Variants in MSH3 observed in about 807,000 individuals in gnomAD.
MSH3 encodes the protein mutS homolog 3.
Under a neutral mutation model 123.3 loss-of-function variants are expected in MSH3, and 106 were observed. The observed-to-expected ratio is 0.86, with a 90% CI of 0.73 to 1.01. MSH3 has a LOEUF of 1.01. Ranked by LOEUF, MSH3 falls within the 50% of genes least tolerant of loss-of-function variation. The pLI is 0.00. For synonymous variants in MSH3, 515 were observed against 481.4 expected, an observed-to-expected ratio of 1.07 and a Z score of -0.91; for missense variants, 1,459 against 1,347.6, an observed-to-expected ratio of 1.08 and a Z score of -1.29.
intron 20 of MSH3, among the ~76,000 whole-genome samples, chr5:80,822,980 A>G (rs781680192): frequency 4.6e-5 from 7 of 152,200 alleles, no homozygotes; most frequent in Admixed American, 2.0e-4. Flanking sequence ...ATTCCATCAA[A>G]CATACTAGTT....
chr5:80,670,293 T>C lies in MSH3; in HGVS notation c.776T>C (p.Phe259Ser), dbSNP rs1580550400. 1 of 1,614,118 alleles carries C rather than the reference T, an allele frequency of 6.2e-7. No homozygotes were observed. Reference sequence around the variant, plus strand: ...GAATGTGGATATAAGTATAGATTCTTTGGGGAAGATGCAGAGGTAAGTCGT... The same window carrying C: ...GAATGTGGATATAAGTATAGATTCTCTGGGGAAGATGCAGAGGTAAGTCGT... ...CVECGYKYRFFGEDAEIAARE... is the reference protein window; with the variant it reads ...CVECGYKYRFSGEDAEIAARE... Residue 259 changes from phenylalanine to serine, a missense_variant, in exon 4 of 24, where the codon TTT (phenylalanine) becomes TCT (serine). Coordinates refer to ENST00000265081, the MANE Select transcript of MSH3 (RefSeq NM_002439.5).
intron 13 of MSH3, among the ~76,000 whole-genome samples, chr5:80,762,270 T>A (rs1744048110): frequency 6.6e-6 from 1 of 152,076 alleles, no homozygotes; most frequent in African/African-American, 2.4e-5. Flanking sequence ...TTAATATTTT[T>A]AAATGATAAA....
chr5:80,743,298 C>T (rs982756462), intron 11 of MSH3, among the ~76,000 whole-genome samples: 1 of 152,140 alleles, frequency 6.6e-6, no homozygotes, highest in Non-Finnish European at 1.5e-5. Context: ...CTTAGCCTGT[C>T]CAGCCATCCT....
At chr5:80,840,629 G>T (rs374885017) in intron 20 of MSH3, among the ~76,000 whole-genome samples, 2 of 152,130 alleles carry the variant, frequency 1.3e-5, no homozygotes, top group African/African-American at 4.8e-5. Flanking sequence ...AAGTTCTAGG[G>T]TACATGTGCA....
chr5:80,846,926 T>C (rs1047337793), intron 20 of MSH3, among the ~76,000 whole-genome samples: 7 of 152,062 alleles, frequency 4.6e-5, no homozygotes, highest in African/African-American at 7.2e-5. Context: ...CTGCACCCAC[T>C]GTCCAACCAG....
At chr5:80,813,506 T>C (rs1214571893) in intron 19 of MSH3, 78 bp from the exon 20 acceptor site, 5 of 1,448,814 alleles carry the variant, frequency 3.5e-6, no homozygotes, top group Non-Finnish European at 4.8e-6. Flanking sequence ...CCTAATGCAT[T>C]TCCACTTATG....
chr5:80,699,324 C>T (rs1192120302), intron 8 of MSH3, among the ~76,000 whole-genome samples: 5 of 151,824 alleles, frequency 3.3e-5, no homozygotes, highest in Admixed American at 6.6e-5. Flanking sequence ...TATGGGAGGA[C>T]GAGATGGGTG....
At chr5:80,684,044 T>C (rs769335986) in intron 8 of MSH3, among the ~76,000 whole-genome samples, 6 of 152,192 alleles carry the variant, frequency 3.9e-5, no homozygotes, top group Non-Finnish European at 7.3e-5. Context: ...GTGGTCTGTG[T>C]GTCTGTTTTT....
chr5:80,669,476 T>C lies in MSH3; in HGVS notation c.580-621T>C, dbSNP rs181758354. On this transcript the variant is annotated intron_variant, in intron 3 of 23. Transcript: ENST00000265081. The stretch of plus-strand genomic sequence containing the variant: ...CTAAGCTGTGAATTGGAATTAATTA[T>C]GGTTCCTCACAGAAAGGTAAGAATA... Among the ~76,000 whole-genome samples the C allele has an allele frequency of 1.2e-4, 19 of 152,336 alleles. No individual in the cohort carries two copies. In the East Asian group the frequency reaches 3.7e-3, roughly 29 times the overall value.
chr5:80,784,508 G>A lies in MSH3; in HGVS notation c.2436-3057G>A, dbSNP rs570734067. ...ATGCAATGTGAAATAAGCATATCACGGAGAATGGGGTATCCATGCCCTCAA... is the reference window on the plus strand; with the variant it reads ...ATGCAATGTGAAATAAGCATATCACAGAGAATGGGGTATCCATGCCCTCAA... On this transcript the variant is annotated intron_variant, in intron 17 of 23. Coordinates refer to ENST00000265081, the MANE Select transcript of MSH3 (RefSeq NM_002439.5). Among the ~76,000 whole-genome samples the A allele has an allele frequency of 1.2e-4, 19 of 152,180 alleles. No individual in the cohort carries two copies. The East Asian group carries it at 3.7e-3, about 29-fold the overall frequency.
In MSH3 at chr5:80,774,409, A is replaced by G. The variant is rs866364740; in HGVS notation, c.2254-1285A>G. Among the ~76,000 whole-genome samples the G allele has an allele frequency of 8.3e-3, 1,226 of 148,516 alleles. 7 individuals are homozygous for G. The highest frequency in any genetic ancestry group is 0.045 in the Middle Eastern group (13 of 290). On this transcript the variant is annotated intron_variant, in intron 15 of 23. Transcript: ENST00000265081. Reference sequence around the variant, plus strand: ...GGAGAACAGTTTGGAGGTCCCTCAAAAAAAAAAAAAAAATAGAGCTACCAT... The same window carrying G: ...GGAGAACAGTTTGGAGGTCCCTCAAGAAAAAAAAAAAAATAGAGCTACCAT...
At chr5:80,826,884 T>C (rs32980) in intron 20 of MSH3, among the ~76,000 whole-genome samples, 131,746 of 152,164 alleles carry the variant, frequency 0.87, 57,125 homozygotes, top group East Asian at 1. Flanking sequence ...TAACCTCACA[T>C]GAATCTTTTC....
chr5:80,778,255 A>AT (rs1487230845), intron 16 of MSH3, among the ~76,000 whole-genome samples: 3 of 152,160 alleles, frequency 2.0e-5, no homozygotes, highest in Non-Finnish European at 4.4e-5. Flanking sequence ...GACTTAATGC[A>AT]TTGCTTTCTT....
intron 12 of MSH3, among the ~76,000 whole-genome samples, chr5:80,749,954 A>G (rs1743802989): frequency 6.6e-6 from 1 of 151,932 alleles, no homozygotes; most frequent in Admixed American, 6.6e-5. Context: ...TATAAGTGAG[A>G]TGATGTGGTA....
chr5:80,854,026 A>AT lies in MSH3; in HGVS notation c.2814-103dup. 8 of 961,372 alleles carry AT rather than the reference A, an allele frequency of 8.3e-6. No individual in the cohort carries two copies. The South Asian group carries it at 1.2e-4, about 14-fold the overall frequency. 59.6% of individuals were successfully genotyped at this position (961,372 alleles called of 1,614,324 possible). ...TTGAGCTATTATTGGCTCAAAATAT[A>AT]TAGATTCTTAGTGATCTTTTATATT... On this transcript the variant is annotated intron_variant, in intron 20 of 23. Transcript: ENST00000265081.
chr5:80,823,879 T>G (rs1745242911), intron 20 of MSH3, among the ~76,000 whole-genome samples: 1 of 152,080 alleles, frequency 6.6e-6, no homozygotes. Context: ...GTACTTGAGA[T>G]TAGGGAGTGG....
intron 8 of MSH3, among the ~76,000 whole-genome samples, chr5:80,720,653 T>G (rs1580584442): frequency 6.6e-6 from 1 of 152,190 alleles, no homozygotes; most frequent in Non-Finnish European, 1.5e-5. Flanking sequence ...GTTAGGGTTT[T>G]CATGTTTTAT....
intron 19 of MSH3, among the ~76,000 whole-genome samples, chr5:80,810,168 C>CATATATATATATAT (rs1461060092): frequency 9.4e-5 from 3 of 32,036 alleles, no homozygotes; most frequent in Non-Finnish European, 1.9e-4. Flanking sequence ...TTTTGTTTGA[C>CATATATATATATAT]ATACATATAT....
intron 21 of MSH3, among the ~76,000 whole-genome samples, chr5:80,859,406 G>C (rs1219455939): frequency 6.6e-6 from 1 of 152,152 alleles, no homozygotes; most frequent in Non-Finnish European, 1.5e-5. Flanking sequence ...GATTGCAAGT[G>C]TGAGCCACCT....
Sources: gnomAD v4.1 joint callset for allele counts (sites outside exome capture counted in the v4.1 genomes callset) on GRCh38, gnomAD v4.1.1 for gene constraint, MANE v1.5 for transcripts, NCBI Gene and HGNC (gene_info 2026-07-23, HGNC 2026-07-21) for gene names.